The following FOXL2NB variants were observed in gnomAD, a reference collection of about 807,000 sequenced individuals.
The protein encoded by FOXL2NB is FOXL2 neighbor protein.
Under a neutral mutation model 7.4 loss-of-function variants are expected in FOXL2NB, and 10 were observed. The ratio of observed to expected loss-of-function variants is 1.34; its 90% CI spans 0.83 to 2.28. The LOEUF (loss-of-function observed/expected upper bound fraction) is 2.28, where lower values mean the gene tolerates loss of function less well. Among genes scored for constraint, FOXL2NB ranks in the 30% most tolerant of loss-of-function variants. The pLI, the probability that FOXL2NB is intolerant of heterozygous loss-of-function variation, is 0.00. For missense variants in FOXL2NB, 228 were observed against 233.9 expected (o/e 0.97, Z 0.17); for synonymous variants, 104 against 105.3 (o/e 0.99, Z 0.08).
rs1434533090 is a variant in FOXL2NB, at chr3:138,950,558, C to T, written c.514C>T (p.His172Tyr). The change falls in exon 3 of 3, where the codon CAC becomes TAC. Residue 172 changes from histidine to tyrosine, a missense_variant. Transcript: ENST00000383165. ...GTGCTTGGCTAGCAAAGGGAAGCTT[C>T]ACTGTGTCTATTAGTACATCCCCAT... ...LRCLASKGKLHCVY is the reference protein window; with the variant it reads ...LRCLASKGKLYCVY The T allele has an allele frequency of 1.9e-6, 3 of 1,614,158 alleles. No homozygotes were observed. The highest frequency in any genetic ancestry group is 1.7e-5 in the Admixed American group (1 of 60,028).
At position 138,949,802 on chromosome 3, in the gene FOXL2NB, C is replaced by T. The variant is rs1225627385; in HGVS notation, c.220+163C>T. On this transcript the variant is annotated intron_variant, in intron 2 of 2. Transcript: ENST00000383165. The surrounding 1 kb of genome is among the most constrained non-coding windows in gnomAD (Gnocchi z 4.5). ...GCCAGAGGTGGGTGAACCGGGCGCT[C>T]CAGGAAACGGTGCGGGGCGCCCTGA... is the stretch of plus-strand genomic sequence containing the variant. 9.7e-7 allele frequency: 1 copy of T among 1,026,762 alleles called. No individual in the cohort carries two copies. Among genetic ancestry groups the T allele is most frequent in the Non-Finnish European group, 1.5e-6 (1 of 677,288 alleles). The allele number at this position is 1,026,762 out of a possible 1,614,324, so 63.6% of individuals were successfully genotyped here.
Position 138,952,677 on chromosome 3 carries a change from C to G in FOXL2NB, c.*2105C>G, listed in dbSNP as rs1936156234. On this transcript the variant is annotated 3_prime_UTR_variant, in exon 3 of 3. Transcript: ENST00000383165. ...TATGGGTGTGAGCCAACACACTCAG[C>G]TAATTTTTTTTTTTTTTTTTTGGTA... 1 of 131,986 alleles carries G rather than the reference C, an allele frequency of 7.6e-6. No individual in the cohort carries two copies. Among genetic ancestry groups the G allele is most frequent in the Non-Finnish European group, 1.5e-5 (1 of 66,648 alleles). The allele number at this position is 131,986 out of a possible 1,614,324, so 8.2% of individuals were successfully genotyped here. A position where few individuals can be genotyped will look rare whatever the true frequency, so the allele number is the denominator to read the frequency against.
rs945992496 is a variant in FOXL2NB at position 138,949,119 on chromosome 3, C to A, written c.101-401C>A. Among the ~76,000 whole-genome samples the A allele has an allele frequency of 6.6e-6, 1 of 152,084 alleles. No homozygotes were observed. The highest frequency in any genetic ancestry group is 1.5e-5 in the Non-Finnish European group (1 of 68,008). ...ATTGGCCTCAGTGCCTATCCTCCCC[C>A]AGCCAGGGCCTGGGCAGGGGGAAAA... On this transcript the variant is annotated intron_variant, in intron 1 of 2. Coordinates refer to ENST00000383165, the MANE Select transcript of FOXL2NB (RefSeq NM_001040061.3). The surrounding 1 kb of genome is among the most constrained non-coding windows in gnomAD (Gnocchi z 4.5).
rs377658501 is a variant in FOXL2NB at position 138,949,564 on chromosome 3, C to T, written c.145C>T (p.Leu49=). The T allele has an allele frequency of 6.2e-7, 1 of 1,614,150 alleles. No homozygotes were observed. The highest frequency in any genetic ancestry group is 8.5e-7 in the Non-Finnish European group (1 of 1,180,008). Residue 49 remains leucine, a synonymous_variant, in exon 2 of 3, where the codon CTG becomes TTG. Coordinates refer to ENST00000383165, the MANE Select transcript of FOXL2NB (RefSeq NM_001040061.3). The surrounding 1 kb of genome is among the most constrained non-coding windows in gnomAD (Gnocchi z 4.5). ...GAAGAGGATGCCTGATGCGTGCACC[C>T]TGGGAAGGGCTGGAATCGGTCTCCC... ...VKKRMPDACT[L]GRAGIGLPKM...
Position 138,953,865 on chromosome 3 carries a change from G to A in FOXL2NB, c.*3293G>A, listed in dbSNP as rs1201545499. Among the ~76,000 whole-genome samples, 1 of 152,140 alleles carries A rather than the reference G, an allele frequency of 6.6e-6. No individual in the cohort carries two copies. The highest frequency in any genetic ancestry group is 1.5e-5 in the Non-Finnish European group (1 of 68,024). ...AATATTCACTGGTCTTGTTGCATGTGTCAGACATTTATTTCTTTTTATTGC... is the reference window on the plus strand; with the variant it reads ...AATATTCACTGGTCTTGTTGCATGTATCAGACATTTATTTCTTTTTATTGC... On this transcript the variant is annotated 3_prime_UTR_variant, in exon 3 of 3. Transcript: ENST00000383165.
Position 138,947,527 on chromosome 3 carries a change from C to A in FOXL2NB, c.100+63C>A. 2 of 1,298,304 alleles carry A rather than the reference C, an allele frequency of 1.5e-6. No homozygotes were observed. The highest frequency in any genetic ancestry group is 1.3e-5 in the South Asian group (1 of 76,344). The allele number at this position is 1,298,304 out of a possible 1,614,324, so 80.4% of individuals were successfully genotyped here. On this transcript the variant is annotated intron_variant, in intron 1 of 2. Transcript: ENST00000383165. This position sits in a 1 kb window ranked among gnomAD's most constrained non-coding sequence, Gnocchi z 5.2. The stretch of plus-strand genomic sequence containing the variant: ...CCGTCTTGAGGCTGAACTTCTAGCT[C>A]GGGGCTGGGGAGGGGCGAGACGGCG...
chr3:138,952,153 T>C lies in FOXL2NB; in HGVS notation c.*1581T>C, dbSNP rs1309587916. ...TGTCTGAAACATTCAAACTAGACTT[T>C]ACTGGAAACAGAGAAGTCTCTGCAT... On this transcript the variant is annotated 3_prime_UTR_variant, in exon 3 of 3. Coordinates refer to ENST00000383165, the MANE Select transcript of FOXL2NB (RefSeq NM_001040061.3). 1 of 152,232 alleles carries C rather than the reference T, an allele frequency of 6.6e-6. No individual in the cohort carries two copies. Among genetic ancestry groups the C allele is most frequent in the African/African-American group, 2.4e-5 (1 of 41,460 alleles). 9.4% of individuals were successfully genotyped at this position (152,232 alleles called of 1,614,324 possible).
In FOXL2NB at chr3:138,949,836, T is replaced by C. The variant is rs908325624; in HGVS notation, c.220+197T>C. 1.3e-5 allele frequency: 10 copies of C among 767,974 alleles called. No individual in the cohort carries two copies. The highest frequency in any genetic ancestry group is 2.0e-5 in the Non-Finnish European group (9 of 446,464). The allele number at this position is 767,974 out of a possible 1,614,324, so 47.6% of individuals were successfully genotyped here. On this transcript the variant is annotated intron_variant, in intron 2 of 2. Transcript: ENST00000383165. This position sits in a 1 kb window ranked among gnomAD's most constrained non-coding sequence, Gnocchi z 4.5. Reference sequence around the variant, plus strand: ...GGTGCGGGGCGCCCTGATTTACTTCTCAACCTTCGGAGGTAGGCTGGTTGC... The same window carrying C: ...GGTGCGGGGCGCCCTGATTTACTTCCCAACCTTCGGAGGTAGGCTGGTTGC...
Position 138,949,482 on chromosome 3 carries a change from T to C in FOXL2NB, c.101-38T>C. 3 of 1,613,200 alleles carry C rather than the reference T, an allele frequency of 1.9e-6. No homozygotes were observed. Among genetic ancestry groups the C allele is most frequent in the Non-Finnish European group, 2.5e-6 (3 of 1,179,672 alleles). On this transcript the variant is annotated intron_variant, in intron 1 of 2. Coordinates refer to ENST00000383165, the MANE Select transcript of FOXL2NB (RefSeq NM_001040061.3). This position sits in a 1 kb window ranked among gnomAD's most constrained non-coding sequence, Gnocchi z 4.5. ...TTCAGAATAGAAAGGAGTTCTGCTC[T>C]GAAAATACTGATTTCTGACTGTCCC...
In FOXL2NB at chr3:138,950,639, C is replaced by T; in HGVS notation, c.*67C>T. On this transcript the variant is annotated 3_prime_UTR_variant, in exon 3 of 3. Transcript: ENST00000383165. ...CACTCCCTCCCGGCCCCTCACAGGGCCCTTTGCACCCACACCTCAGGGACT... is the reference window on the plus strand; with the variant it reads ...CACTCCCTCCCGGCCCCTCACAGGGTCCTTTGCACCCACACCTCAGGGACT... 1 of 1,548,672 alleles carries T rather than the reference C, an allele frequency of 6.5e-7. No individual in the cohort carries two copies.
rs367968677 is a variant in FOXL2NB at position 138,949,507 on chromosome 3, C to G, written c.101-13C>G. The G allele has an allele frequency of 1.9e-6, 3 of 1,613,794 alleles. No homozygotes were observed. The highest frequency in any genetic ancestry group is 2.2e-5 in the East Asian group (1 of 44,868). On this transcript the variant is annotated splice_polypyrimidine_tract_variant and intron_variant, in intron 1 of 2. Transcript: ENST00000383165. The surrounding 1 kb of genome is among the most constrained non-coding windows in gnomAD (Gnocchi z 4.5). ...TGAAAATACTGATTTCTGACTGTCC[C>G]GTAGAGGAACAGAATCCCCAGCCCT...
In FOXL2NB at chr3:138,947,659, C is replaced by T; in HGVS notation, c.100+195C>T. 1 of 1,353,688 alleles carries T rather than the reference C, an allele frequency of 7.4e-7. No homozygotes were observed. Among genetic ancestry groups the T allele is most frequent in the Non-Finnish European group, 9.5e-7 (1 of 1,056,760 alleles). The allele number at this position is 1,353,688 out of a possible 1,614,324, so 83.9% of individuals were successfully genotyped here. On this transcript the variant is annotated intron_variant, in intron 1 of 2. Transcript: ENST00000383165. This position sits in a 1 kb window ranked among gnomAD's most constrained non-coding sequence, Gnocchi z 5.2. Reference sequence around the variant, plus strand: ...AGAAGCCTCGGCCTGGCCTGTCCCTCGCGCTCTCAGAGTGACTGGGCTGGA... The same window carrying T: ...AGAAGCCTCGGCCTGGCCTGTCCCTTGCGCTCTCAGAGTGACTGGGCTGGA...
chr3:138,951,592 C>T lies in FOXL2NB; in HGVS notation c.*1020C>T, dbSNP rs1421485458. ...TCCTGGGCCAAGTGAGGCCCTCTTC[C>T]CTCCAAAGACCCGTGGGATGCTCTC... On this transcript the variant is annotated 3_prime_UTR_variant, in exon 3 of 3. Transcript: ENST00000383165. The T allele has an allele frequency of 6.6e-6, 1 of 152,228 alleles. No individual in the cohort carries two copies. Among genetic ancestry groups the T allele is most frequent in the Non-Finnish European group, 1.5e-5 (1 of 68,054 alleles). The allele number at this position is 152,228 out of a possible 1,614,324, so 9.4% of individuals were successfully genotyped here. A position where few individuals can be genotyped will look rare whatever the true frequency, so the allele number is the denominator to read the frequency against.
chr3:138,951,619 G>C lies in FOXL2NB; in HGVS notation c.*1047G>C, dbSNP rs1334550437. 6.6e-6 allele frequency: 1 copy of C among 152,364 alleles called. No homozygotes were observed. The highest frequency in any genetic ancestry group is 2.4e-5 in the African/African-American group (1 of 41,456). The allele number at this position is 152,364 out of a possible 1,614,324, so 9.4% of individuals were successfully genotyped here. A position where few individuals can be genotyped will look rare whatever the true frequency, so the allele number is the denominator to read the frequency against. On this transcript the variant is annotated 3_prime_UTR_variant, in exon 3 of 3. Coordinates refer to ENST00000383165, the MANE Select transcript of FOXL2NB (RefSeq NM_001040061.3). ...TCCAAAGACCCGTGGGATGCTCTCA[G>C]AGGCGGATTCTAGGGTGGTGGGAGC... is the stretch of plus-strand genomic sequence containing the variant.
rs895803738 is a variant in FOXL2NB at position 138,949,169 on chromosome 3, G to T, written c.101-351G>T. Among the ~76,000 whole-genome samples, 3 of 152,012 alleles carry T rather than the reference G, an allele frequency of 2.0e-5. No homozygotes were observed. The highest frequency in any genetic ancestry group is 4.4e-5 in the Non-Finnish European group (3 of 67,972). ...AACAGCTGGGTCTGGCCCCATCCTGGTGGGGGCTCCTCTCTCCTTTTCTCT... is the reference window on the plus strand; with the variant it reads ...AACAGCTGGGTCTGGCCCCATCCTGTTGGGGGCTCCTCTCTCCTTTTCTCT... On this transcript the variant is annotated intron_variant, in intron 1 of 2. Transcript: ENST00000383165. This position sits in a 1 kb window ranked among gnomAD's most constrained non-coding sequence, Gnocchi z 4.5.
chr3:138,950,066 AGCT>A, intron 2 of FOXL2NB, 196 bp from the exon 3 acceptor site: 1 of 717,772 alleles, frequency 1.4e-6, no homozygotes, highest in Non-Finnish European at 2.5e-6. Context: ...AGGGTCCCGC[AGCT>A]GCAATTCAGC....
At position 138,950,582 on chromosome 3, in the gene FOXL2NB, A is replaced by G. The variant is rs749121543; in HGVS notation, c.*10A>G. 3.1e-6 allele frequency: 5 copies of G among 1,613,390 alleles called. No individual in the cohort carries two copies. The highest frequency in any genetic ancestry group is 2.2e-5 in the East Asian group (1 of 44,842). Reference sequence around the variant, plus strand: ...TCACTGTGTCTATTAGTACATCCCCATACACTCCACGCCTCAACAACTGTC... The same window carrying G: ...TCACTGTGTCTATTAGTACATCCCCGTACACTCCACGCCTCAACAACTGTC... On this transcript the variant is annotated 3_prime_UTR_variant, in exon 3 of 3. Coordinates refer to ENST00000383165, the MANE Select transcript of FOXL2NB (RefSeq NM_001040061.3).
In FOXL2NB at chr3:138,952,181, AG is replaced by A. The variant is rs1201327367; in HGVS notation, c.*1612del. 1 of 152,270 alleles carries A rather than the reference AG, an allele frequency of 6.6e-6. No individual in the cohort carries two copies. The highest frequency in any genetic ancestry group is 2.4e-5 in the African/African-American group (1 of 41,468). The allele number at this position is 152,270 out of a possible 1,614,324, so 9.4% of individuals were successfully genotyped here. Reference sequence around the variant, plus strand: ...TGGAAACAGAGAAGTCTCTGCATTCAGGGCAGCTGGCTTGCAAGGTAAGGCC... The same window carrying A: ...TGGAAACAGAGAAGTCTCTGCATTCAGGCAGCTGGCTTGCAAGGTAAGGCC... On this transcript the variant is annotated 3_prime_UTR_variant, in exon 3 of 3. Coordinates refer to ENST00000383165, the MANE Select transcript of FOXL2NB (RefSeq NM_001040061.3).
chr3:138,949,516 A>T lies in FOXL2NB; in HGVS notation c.101-4A>T. ...TGATTTCTGACTGTCCCGTAGAGGAACAGAATCCCCAGCCCTGGTGAAGAA... is the reference window on the plus strand; with the variant it reads ...TGATTTCTGACTGTCCCGTAGAGGATCAGAATCCCCAGCCCTGGTGAAGAA... On this transcript the variant is annotated splice_polypyrimidine_tract_variant and splice_region_variant and intron_variant, in intron 1 of 2. Coordinates refer to ENST00000383165, the MANE Select transcript of FOXL2NB (RefSeq NM_001040061.3). This position sits in a 1 kb window ranked among gnomAD's most constrained non-coding sequence, Gnocchi z 4.5. The T allele has an allele frequency of 2.5e-6, 4 of 1,614,070 alleles. No individual in the cohort carries two copies. The highest frequency in any genetic ancestry group is 3.4e-6 in the Non-Finnish European group (4 of 1,179,994).
Sources: allele counts gnomAD v4.1 joint callset (sites outside exome capture counted in the v4.1 genomes callset), GRCh38; gene constraint gnomAD v4.1.1; non-coding constraint Gnocchi (gnomAD v3.1); transcripts MANE v1.5; gene names NCBI Gene and HGNC (gene_info 2026-07-23, HGNC 2026-07-21).